TRAPPC9: variants seen among roughly 807,000 people sequenced by gnomAD.
TRAPPC9 encodes the protein IKK2 binding protein.
TRAPPC9 carries 83 observed loss-of-function variants against 124.0 expected under a neutral mutation model. That is an observed-to-expected ratio of 0.67 (90% CI 0.56 to 0.80). The LOEUF (loss-of-function observed/expected upper bound fraction) is 0.80. Among genes scored for constraint, TRAPPC9 ranks in the 30% least tolerant of loss-of-function variants. The pLI, the probability that TRAPPC9 is intolerant of heterozygous loss-of-function variation, is 0.00. For synonymous variants in TRAPPC9, 638 were observed against 617.5 expected (o/e 1.03, Z -0.49); for missense variants, 1,302 against 1,508.3 (o/e 0.86, Z 2.27).
intron 18 of TRAPPC9, among the ~76,000 whole-genome samples, chr8:140,004,188 G>A (rs539580355): frequency 3.2e-4 from 49 of 152,208 alleles, no homozygotes; most frequent in African/African-American, 1.1e-3. Flanking sequence ...CGGTGGGGCC[G>A]GGGAGATGCA....
At chr8:140,113,433 T>C (rs1373495006) in intron 17 of TRAPPC9, among the ~76,000 whole-genome samples, 2 of 152,220 alleles carry the variant, frequency 1.3e-5, no homozygotes, top group Non-Finnish European at 2.9e-5. Flanking sequence ...TCACTTACCA[T>C]GGCAGGATGA....
At chr8:140,299,200 G>C (rs1235247791) in intron 11 of TRAPPC9, among the ~76,000 whole-genome samples, 1 of 152,220 alleles carries the variant, frequency 6.6e-6, no homozygotes, top group Non-Finnish European at 1.5e-5. Flanking sequence ...CTTGGAACAA[G>C]CCTGTTTCTT....
At chr8:140,078,694 G>A (rs1164149729) in intron 17 of TRAPPC9, among the ~76,000 whole-genome samples, 2 of 152,196 alleles carry the variant, frequency 1.3e-5, no homozygotes, top group East Asian at 1.9e-4. Flanking sequence ...ATCTTCTGAG[G>A]AGCCCATGCA....
intron 17 of TRAPPC9, among the ~76,000 whole-genome samples, chr8:140,155,029 C>T (rs80169974): frequency 0.065 from 9,936 of 152,184 alleles, 368 homozygotes; most frequent in African/African-American, 0.078. Context: ...GAGTTTCACC[C>T]GGACAGGCTT....
In TRAPPC9 at chr8:140,033,674, T is replaced by TTTTG. The variant is rs1563706844; in HGVS notation, c.2557-9596_2557-9595insCAAA. Reference sequence around the variant, plus strand: ...CATAATGTGGTTTTTTTTTTTTTTTTTTTTTTTTTTTTTTTTTTTTTTTTT... The same window carrying TTTTG: ...CATAATGTGGTTTTTTTTTTTTTTTTTTTGTTTTTTTTTTTTTTTTTTTTTTTTT... On this transcript the variant is annotated intron_variant, in intron 17 of 22. Transcript: ENST00000438773. 1.9e-4 allele frequency among the ~76,000 whole-genome samples: 18 copies of TTTTG among 93,092 alleles called. 1 individual carries two copies. The highest frequency in any genetic ancestry group is 3.2e-4 in the Non-Finnish European group (15 of 46,436). 61.1% of individuals were successfully genotyped at this position (93,092 alleles called of 152,430 possible).
chr8:140,239,072 G>A (rs941978383), intron 16 of TRAPPC9, among the ~76,000 whole-genome samples: 4 of 152,200 alleles, frequency 2.6e-5, no homozygotes, highest in African/African-American at 7.2e-5. Context: ...GCTCCTTGGA[G>A]CAGCTGGCTT....
chr8:140,273,594 G>A (rs1368823687), intron 15 of TRAPPC9, among the ~76,000 whole-genome samples: 2 of 152,102 alleles, frequency 1.3e-5, no homozygotes, highest in South Asian at 4.2e-4. Context: ...CCCCTTTCTT[G>A]GCCAAAGGCC....
chr8:140,260,146 T>C (rs2064368267), intron 15 of TRAPPC9, among the ~76,000 whole-genome samples: 1 of 152,130 alleles, frequency 6.6e-6, no homozygotes, highest in South Asian at 2.1e-4. Context: ...TACACACACA[T>C]GCACGGATAT....
intron 16 of TRAPPC9, among the ~76,000 whole-genome samples, chr8:140,231,272 TG>T (rs1258253664): frequency 1.3e-5 from 2 of 152,162 alleles, no homozygotes; most frequent in African/African-American, 4.8e-5. Flanking sequence ...GGACACTCCC[TG>T]AAGTTGTGTC....
chr8:139,956,158 G>A (rs556768509), intron 19 of TRAPPC9, among the ~76,000 whole-genome samples: 7 of 147,650 alleles, frequency 4.7e-5, no homozygotes, highest in South Asian at 2.2e-4. Flanking sequence ...ATGTTGTTTC[G>A]TTTTTTTTTT....
intron 19 of TRAPPC9, among the ~76,000 whole-genome samples, chr8:139,919,506 C>A (rs1832375149): frequency 6.6e-6 from 1 of 152,066 alleles, no homozygotes; most frequent in Non-Finnish European, 1.5e-5. Flanking sequence ...CAAATCAAAT[C>A]TCAATAAAGC....
chr8:140,209,868 C>T (rs773316517), intron 17 of TRAPPC9, among the ~76,000 whole-genome samples: 7 of 152,160 alleles, frequency 4.6e-5, no homozygotes, highest in Non-Finnish European at 7.4e-5. Flanking sequence ...AGAAATTATA[C>T]GTAAAGGGGC....
At chr8:140,083,626 C>T (rs1472687797) in intron 17 of TRAPPC9, among the ~76,000 whole-genome samples, 2 of 151,720 alleles carry the variant, frequency 1.3e-5, no homozygotes, top group South Asian at 2.1e-4. Flanking sequence ...GAAAAGAATA[C>T]CCACAGAAGG....
chr8:139,923,955 G>A (rs551199973), intron 19 of TRAPPC9, among the ~76,000 whole-genome samples: 14 of 152,118 alleles, frequency 9.2e-5, no homozygotes, highest in Non-Finnish European at 2.1e-4. Flanking sequence ...ATTAAAGGGG[G>A]GAAAACAAAC....
intron 9 of TRAPPC9, among the ~76,000 whole-genome samples, chr8:140,348,384 C>A (rs777597553): frequency 6.6e-6 from 1 of 152,150 alleles, no homozygotes; most frequent in South Asian, 2.1e-4. Flanking sequence ...ACCAAGAAAA[C>A]GCAAATTAGA....
In TRAPPC9 at chr8:140,221,564, G is replaced by A; in HGVS notation, c.2451C>T (p.Gly817=). 6.2e-7 allele frequency: 1 copy of A among 1,614,132 alleles called. No homozygotes were observed. Among genetic ancestry groups the A allele is most frequent in the South Asian group, 1.1e-5 (1 of 91,080 alleles). The change falls in exon 17 of 23, where the codon GGC becomes GGT. Residue 817 remains glycine (G), a synonymous_variant. Transcript: ENST00000438773. ...DLSDDGISVS[G]FPLSSPFRQV... is the part of the protein sequence containing the mutation. ...GCCGAAAAGGACTGGACAGGGGAAA[G>A]CCACTCACACTGATTCCATCTACAA...
intron 7 of TRAPPC9, among the ~76,000 whole-genome samples, chr8:140,378,481 G>C (rs1030534249): frequency 2.0e-5 from 3 of 152,092 alleles, no homozygotes; most frequent in Non-Finnish European, 4.4e-5. Context: ...CTTCATTTTT[G>C]AGACTCGGAC....
At chr8:139,750,922 T>A (rs1015915491) in intron 21 of TRAPPC9, among the ~76,000 whole-genome samples, 2 of 152,148 alleles carry the variant, frequency 1.3e-5, no homozygotes, top group South Asian at 2.1e-4. Context: ...CAAGTGTGAC[T>A]CCAGCACTAG....
At chr8:140,374,616 G>A (rs1423716462) in intron 7 of TRAPPC9, among the ~76,000 whole-genome samples, 1 of 152,052 alleles carries the variant, frequency 6.6e-6, no homozygotes, top group Non-Finnish European at 1.5e-5. Context: ...GAAGAGGTGG[G>A]GGTACTTAAC....
Sources: gnomAD v4.1 joint callset for allele counts (sites outside exome capture counted in the v4.1 genomes callset) on GRCh38, gnomAD v4.1.1 for gene constraint, MANE v1.5 for transcripts, NCBI Gene and HGNC (gene_info 2026-07-23, HGNC 2026-07-21) for gene names.